Variants in FBXW10B observed in about 807,000 individuals in gnomAD.
FBXW10B encodes F-box and WD repeat domain containing 10B.
the FBXW10B span, among the ~76,000 whole-genome samples, chr17:15,590,425 G>A: frequency 1.3e-5 from 2 of 148,176 alleles, no homozygotes; most frequent in Non-Finnish European, 1.5e-5. Context: ...CTGCAGCCTG[G>A]TGGGAAAGAG....
chr17:15,584,721 G>T, the FBXW10B span, among the ~76,000 whole-genome samples: 1 of 152,136 alleles, frequency 6.6e-6, no homozygotes, highest in African/African-American at 2.4e-5. Context: ...ATTTTCGTTT[G>T]CATGGCTTGT....
At chr17:15,590,620 C>A in the FBXW10B span, among the ~76,000 whole-genome samples, 1 of 149,716 alleles carries the variant, frequency 6.7e-6, no homozygotes, top group Admixed American at 6.6e-5. Flanking sequence ...TTAGTTCCAC[C>A]TGGAGCTCAC....
the FBXW10B span, chr17:15,589,147 T>C: frequency 3.1e-6 from 5 of 1,612,266 alleles, no homozygotes; most frequent in South Asian, 4.4e-5. Context: ...ATTTCCTCCC[T>C]GAGCTGTAGC....
chr17:15,573,292 T>C, the FBXW10B span: 2 of 152,186 alleles, frequency 1.3e-5, no homozygotes, highest in African/African-American at 4.8e-5. Flanking sequence ...AGGCTGCCGA[T>C]GCTTGTAGCA....
the FBXW10B span, among the ~76,000 whole-genome samples, chr17:15,615,278 C>G: frequency 1.3e-5 from 2 of 149,378 alleles, no homozygotes; most frequent in Non-Finnish European, 3.0e-5. Context: ...CCCTCCAGTT[C>G]CACTGGGTCT....
chr17:15,568,425 A>G, the FBXW10B span, among the ~76,000 whole-genome samples: 88 of 152,104 alleles, frequency 5.8e-4, no homozygotes, highest in African/African-American at 2.0e-3. Flanking sequence ...ATCTACCTCA[A>G]ACTGAGGAGA....
chr17:15,608,643 G>A, the FBXW10B span, among the ~76,000 whole-genome samples: 18 of 149,208 alleles, frequency 1.2e-4, no homozygotes, highest in Middle Eastern at 7.8e-3. Flanking sequence ...TAGTAGCGAC[G>A]GAGTTTCACC....
chr17:15,615,903 T>A, the FBXW10B span: 16 of 1,539,038 alleles, frequency 1.0e-5, no homozygotes, highest in Non-Finnish European at 1.4e-5. Context: ...TTCTTCCTTC[T>A]TTTAAAGATG....
At chr17:15,603,509 A>G in the FBXW10B span, among the ~76,000 whole-genome samples, 4 of 152,144 alleles carry the variant, frequency 2.6e-5, no homozygotes, top group Admixed American at 6.6e-5. Context: ...TTAAACCCCA[A>G]TAAAACACAG....
the FBXW10B span, among the ~76,000 whole-genome samples, chr17:15,608,938 T>G: frequency 4.3e-3 from 654 of 152,018 alleles, 4 homozygotes; most frequent in Middle Eastern, 0.031. Context: ...CTTCCCAGTC[T>G]TTCTTTATTT....
chr17:15,609,225 A>G, the FBXW10B span, among the ~76,000 whole-genome samples: 1 of 142,656 alleles, frequency 7.0e-6, no homozygotes, highest in Non-Finnish European at 1.5e-5. Flanking sequence ...TCTTGGGGAC[A>G]TCTCTGAAGT....
chr17:15,570,996 C>T, the FBXW10B span, among the ~76,000 whole-genome samples: 1 of 152,124 alleles, frequency 6.6e-6, no homozygotes, highest in South Asian at 2.1e-4. Flanking sequence ...TGATGAAGAA[C>T]TCATGTACAG....
chr17:15,584,928 C>T, the FBXW10B span, among the ~76,000 whole-genome samples: 2 of 151,590 alleles, frequency 1.3e-5, no homozygotes, highest in African/African-American at 4.8e-5. Context: ...TCCAACTGGC[C>T]TCCACAGAAC....
chr17:15,593,532 C>T, the FBXW10B span: 1 of 1,606,484 alleles, frequency 6.2e-7, no homozygotes, highest in Non-Finnish European at 8.5e-7. Flanking sequence ...TACCCATCCT[C>T]TCATAAAATG....
the FBXW10B span, among the ~76,000 whole-genome samples, chr17:15,581,889 C>T: frequency 6.7e-6 from 1 of 150,156 alleles, no homozygotes; most frequent in African/African-American, 2.5e-5. Flanking sequence ...CCCAGAGACA[C>T]CCAAGAAGGC....
the FBXW10B span, chr17:15,573,880 G>A: frequency 2.5e-6 from 1 of 405,048 alleles, no homozygotes; most frequent in African/African-American, 2.0e-5. Context: ...AGGGGAAAAT[G>A]TTTATAGCTA....
the FBXW10B span, chr17:15,573,016 G>A: frequency 6.6e-6 from 1 of 152,078 alleles, no homozygotes; most frequent in Non-Finnish European, 1.5e-5. Context: ...GGACCAGGGT[G>A]GTCACAGCAG....
At chr17:15,594,986 A>T in the FBXW10B span, 13 of 1,541,580 alleles carry the variant, frequency 8.4e-6, no homozygotes, top group Non-Finnish European at 8.8e-7. Flanking sequence ...GCCACCCCCC[A>T]ACCAATCTGT....
At chr17:15,593,158 T>C in the FBXW10B span, 5 of 312,258 alleles carry the variant, frequency 1.6e-5, no homozygotes, top group Non-Finnish European at 2.3e-5. Flanking sequence ...CTAAGTTTTG[T>C]GCAAAGCCCT....
Sources: gnomAD v4.1 joint callset for allele counts (sites outside exome capture counted in the v4.1 genomes callset) on GRCh38, gnomAD v4.1.1 for gene constraint, MANE v1.5 for transcripts, NCBI Gene and HGNC (gene_info 2026-07-23, HGNC 2026-07-21) for gene names.